The following EIF4E3 variants were observed in gnomAD, a reference collection of about 807,000 sequenced individuals.
EIF4E3 encodes eukaryotic translation initiation factor 4E family member 3.
A neutral mutation model predicts 31.7 loss-of-function variants in EIF4E3; 26 were observed. The ratio of observed to expected loss-of-function variants is 0.82; its 90% CI spans 0.60 to 1.14. EIF4E3 has a LOEUF of 1.14. Ranked by LOEUF, EIF4E3 falls within the 50% of genes most tolerant of loss-of-function variation. The pLI, the probability that EIF4E3 is intolerant of heterozygous loss-of-function variation, is 0.00. For synonymous variants in EIF4E3, 128 were observed against 107.7 expected (o/e 1.19, Z -1.17); for missense variants, 304 against 270.9 (o/e 1.12, Z -0.86).
chr3:71,720,383 C>T (rs566064173), intron 1 of EIF4E3, among the ~76,000 whole-genome samples: 38 of 151,988 alleles, frequency 2.5e-4, no homozygotes, highest in Middle Eastern at 3.4e-3. Context: ...AAAATAGAGA[C>T]GAGGTATTGC....
At chr3:71,686,491 T>G (rs1032653092) in intron 6 of EIF4E3, among the ~76,000 whole-genome samples, 7 of 151,940 alleles carry the variant, frequency 4.6e-5, no homozygotes, top group Admixed American at 2.0e-4. Flanking sequence ...AAATCTGAAC[T>G]AATTTAATAG....
chr3:71,733,443 A>G (rs1042119375), intron 1 of EIF4E3, among the ~76,000 whole-genome samples: 1 of 152,228 alleles, frequency 6.6e-6, no homozygotes, highest in Non-Finnish European at 1.5e-5. Flanking sequence ...TCTCTGAGGA[A>G]GTGTATTGTG....
upstream of EIF4E3, chr3:71,754,139 C>T (rs775652396): frequency 6.9e-7 from 1 of 1,454,918 alleles, no homozygotes; most frequent in Non-Finnish European, 9.1e-7. The surrounding 1 kb of genome is among the most constrained non-coding windows in gnomAD (Gnocchi z 5.8). Context: ...TGCTGCTGTG[C>T]GTGAGCCTAG....
At chr3:71,740,489 T>C (rs2049808514) in intron 1 of EIF4E3, among the ~76,000 whole-genome samples, 1 of 152,234 alleles carries the variant, frequency 6.6e-6, no homozygotes, top group Non-Finnish European at 1.5e-5. Flanking sequence ...ATCCCAGCAC[T>C]TTGGGAGGCC....
the EIF4E3 span, among the ~76,000 whole-genome samples, chr3:71,663,245 A>G: frequency 6.6e-6 from 1 of 152,088 alleles, no homozygotes; most frequent in Non-Finnish European, 1.5e-5. Flanking sequence ...TTTCTTTTAC[A>G]TTTTTGATTC....
chr3:71,735,737 T>C (rs529092928), intron 1 of EIF4E3, among the ~76,000 whole-genome samples: 2 of 152,220 alleles, frequency 1.3e-5, no homozygotes, highest in South Asian at 4.1e-4. Context: ...TGAAGTTCTT[T>C]CTGGATCAAA....
intron 1 of EIF4E3, among the ~76,000 whole-genome samples, chr3:71,718,365 T>C (rs1183454336): frequency 6.6e-6 from 1 of 152,260 alleles, no homozygotes; most frequent in African/African-American, 2.4e-5. Flanking sequence ...ACTGAAAATA[T>C]ATACATCATT....
At chr3:71,674,494 A>G (rs1041486017), downstream of EIF4E3, among the ~76,000 whole-genome samples, 1 of 152,192 alleles carries the variant, frequency 6.6e-6, no homozygotes, top group Non-Finnish European at 1.5e-5. Context: ...GTTTGTGGCA[A>G]ATCAACGCAG....
At chr3:71,686,578 GT>G (rs34940256) in intron 6 of EIF4E3, among the ~76,000 whole-genome samples, 1 of 149,018 alleles carries the variant, frequency 6.7e-6, no homozygotes, top group Non-Finnish European at 1.5e-5. Context: ...GTGTGTGTGT[GT>G]TTTCTTTTTA....
chr3:71,717,338 C>T (rs1390103559), intron 1 of EIF4E3, among the ~76,000 whole-genome samples: 2 of 152,158 alleles, frequency 1.3e-5, no homozygotes, highest in African/African-American at 4.8e-5. Context: ...ATCTAATGAA[C>T]TACAGCATCA....
chr3:71,722,086 T>C (rs1432985492), intron 1 of EIF4E3, among the ~76,000 whole-genome samples: 7 of 141,520 alleles, frequency 4.9e-5, no homozygotes, highest in Non-Finnish European at 1.1e-4. Flanking sequence ...GCCCTTTGGC[T>C]TTTCCTCGGG....
At chr3:71,672,464 T>C (rs537390996), downstream of EIF4E3, among the ~76,000 whole-genome samples, 1 of 152,318 alleles carries the variant, frequency 6.6e-6, no homozygotes, top group East Asian at 1.9e-4. Flanking sequence ...CCCGGCTTGC[T>C]TTTAGTTCCA....
In EIF4E3 at chr3:71,676,286, T is replaced by C. The variant is rs1247551914; in HGVS notation, c.*8396A>G. On this transcript the variant is annotated 3_prime_UTR_variant, in exon 7 of 7. Coordinates refer to ENST00000425534, the MANE Select transcript of EIF4E3 (RefSeq NM_001134651.2). The stretch of plus-strand genomic sequence containing the variant: ...TGATAAAACCAGAGAGAAATGCAAG[T>C]GTCTCCTGTAGGTCAGGATAATGGT... The C allele has an allele frequency of 6.6e-6, 1 of 152,154 alleles. No homozygotes were observed. The highest frequency in any genetic ancestry group is 1.5e-5 in the Non-Finnish European group (1 of 68,014). The allele number at this position is 152,154 out of a possible 1,614,324, so 9.4% of individuals were successfully genotyped here.
chr3:71,661,528 G>T, the EIF4E3 span, among the ~76,000 whole-genome samples: 1 of 152,206 alleles, frequency 6.6e-6, no homozygotes, highest in African/African-American at 2.4e-5. Context: ...AAATAAAGAG[G>T]ATATCTTAAT....
intron 1 of EIF4E3, among the ~76,000 whole-genome samples, chr3:71,719,342 A>G (rs2049511048): frequency 6.6e-6 from 1 of 152,184 alleles, no homozygotes; most frequent in Non-Finnish European, 1.5e-5. Context: ...TTTGTTACAA[A>G]TCTACCTTTC....
At chr3:71,665,379 G>A in the EIF4E3 span, among the ~76,000 whole-genome samples, 162 of 152,338 alleles carry the variant, frequency 1.1e-3, 1 homozygote, top group African/African-American at 3.8e-3. Flanking sequence ...AACACTGACA[G>A]GTTGCACATG....
At chr3:71,749,118 G>A (rs1394293906) in intron 1 of EIF4E3, among the ~76,000 whole-genome samples, 2 of 152,198 alleles carry the variant, frequency 1.3e-5, no homozygotes, top group Non-Finnish European at 2.9e-5. Context: ...TGCACACCTT[G>A]TGCTACACTC....
At chr3:71,712,694 T>G (rs547482752) in intron 1 of EIF4E3, among the ~76,000 whole-genome samples, 5 of 152,038 alleles carry the variant, frequency 3.3e-5, no homozygotes, top group African/African-American at 9.6e-5. Context: ...CTTTTTTCAT[T>G]CAAAAAACTG....
At chr3:71,714,931 T>G (rs953244007) in intron 1 of EIF4E3, among the ~76,000 whole-genome samples, 1 of 152,230 alleles carries the variant, frequency 6.6e-6, no homozygotes, top group Non-Finnish European at 1.5e-5. Context: ...GGAAACATTT[T>G]TACTGGTATC....
Sources: gnomAD v4.1 joint callset for allele counts (sites outside exome capture counted in the v4.1 genomes callset) on GRCh38, gnomAD v4.1.1 for gene constraint, Gnocchi (gnomAD v3.1) non-coding constraint, MANE v1.5 for transcripts, NCBI Gene and HGNC (gene_info 2026-07-23, HGNC 2026-07-21) for gene names.